ITGBL1: variants seen among roughly 807,000 people sequenced by gnomAD.
ITGBL1 encodes the protein integrin beta-like protein 1.
In ITGBL1, 51 loss-of-function variants were observed where a neutral mutation model predicts 68.5. The observed-to-expected ratio is 0.74, with a 90% CI of 0.59 to 0.94. ITGBL1 has a LOEUF of 0.94. ITGBL1 is among the 40% of genes least tolerant of loss of function. The pLI, the probability that ITGBL1 is intolerant of heterozygous loss-of-function variation, is 0.00. For missense variants in ITGBL1, 649 were observed against 647.4 expected, an observed-to-expected ratio of 1.00 and a Z score of -0.03; for synonymous variants, 209 against 227.3, an observed-to-expected ratio of 0.92 and a Z score of 0.72.
At chr13:101,653,624 A>G (rs1449717431) in intron 7 of ITGBL1, among the ~76,000 whole-genome samples, 1 of 152,180 alleles carries the variant, frequency 6.6e-6, no homozygotes, top group Non-Finnish European at 1.5e-5. Flanking sequence ...GCAAGACAAT[A>G]CATGCTTTTG....
At chr13:101,597,195 T>A (rs1340331551) in intron 6 of ITGBL1, among the ~76,000 whole-genome samples, 2 of 152,130 alleles carry the variant, frequency 1.3e-5, no homozygotes, top group Non-Finnish European at 2.9e-5. Flanking sequence ...TATCTCCGCA[T>A]CTCTCTCAGT....
intron 2 of ITGBL1, among the ~76,000 whole-genome samples, chr13:101,494,738 G>A (rs1029675057): frequency 1.3e-4 from 20 of 152,162 alleles, no homozygotes; most frequent in African/African-American, 4.3e-4. Context: ...ATGGAAATAT[G>A]ATGAACAATC....
intron 2 of ITGBL1, among the ~76,000 whole-genome samples, chr13:101,563,770 T>C (rs960814265): frequency 2.0e-5 from 3 of 151,836 alleles, no homozygotes; most frequent in Non-Finnish European, 4.4e-5. Context: ...ACTAGGAGAT[T>C]AGAGAATACA....
intron 2 of ITGBL1, among the ~76,000 whole-genome samples, chr13:101,486,961 TA>T (rs35761872): frequency 0.24 from 36,571 of 151,950 alleles, 4,903 homozygotes; most frequent in East Asian, 0.48. Flanking sequence ...GGAAGAATTA[TA>T]AAAAAAATGT....
At chr13:101,581,678 C>T (rs1308467371) in intron 5 of ITGBL1, among the ~76,000 whole-genome samples, 2 of 152,138 alleles carry the variant, frequency 1.3e-5, no homozygotes, top group South Asian at 2.1e-4. Context: ...GCTAATTCCC[C>T]ATTGAACAAT....
chr13:101,641,773 T>C (rs9518469), intron 7 of ITGBL1, among the ~76,000 whole-genome samples: 6,942 of 145,132 alleles, frequency 0.048, 192 homozygotes, highest in East Asian at 0.18. Flanking sequence ...CCATGTGTTC[T>C]CATTGTTCAA....
downstream of ITGBL1, chr13:101,717,127 A>G (rs1221675464): frequency 6.6e-6 from 1 of 152,122 alleles, no homozygotes; most frequent in Admixed American, 6.6e-5. Context: ...TTTTATTTTA[A>G]TGATGTAAAT....
intron 8 of ITGBL1, among the ~76,000 whole-genome samples, chr13:101,695,835 CATA>C (rs778910219): frequency 6.6e-6 from 1 of 152,136 alleles, no homozygotes; most frequent in Non-Finnish European, 1.5e-5. Context: ...TGCTCATGGT[CATA>C]ATGATTTATG....
intron 7 of ITGBL1, among the ~76,000 whole-genome samples, chr13:101,610,096 G>GCAGGAAATTTTTGC (rs2031051941): frequency 1.3e-5 from 2 of 152,070 alleles, no homozygotes; most frequent in Non-Finnish European, 2.9e-5. Context: ...AAATAAATGT[G>GCAGGAAATTTTTGC]ACAGTTATGA....
intron 7 of ITGBL1, among the ~76,000 whole-genome samples, chr13:101,687,201 T>C (rs1239659853): frequency 6.6e-6 from 1 of 152,036 alleles, no homozygotes; most frequent in Non-Finnish European, 1.5e-5. Flanking sequence ...ATATCTTTTA[T>C]TTAACAGTGT....
chr13:101,638,281 A>G (rs575950721), intron 7 of ITGBL1, among the ~76,000 whole-genome samples: 2 of 152,230 alleles, frequency 1.3e-5, no homozygotes, highest in African/African-American at 2.4e-5. Context: ...TAGCATGTGC[A>G]TGACAAGTTG....
At chr13:101,679,719 G>A (rs1348085261) in intron 7 of ITGBL1, among the ~76,000 whole-genome samples, 1 of 152,124 alleles carries the variant, frequency 6.6e-6, no homozygotes, top group African/African-American at 2.4e-5. Context: ...TGGTGTTGTT[G>A]TAGAAGCCAT....
chr13:101,572,174 C>T (rs1225686326), intron 3 of ITGBL1, among the ~76,000 whole-genome samples: 5 of 152,102 alleles, frequency 3.3e-5, no homozygotes, highest in African/African-American at 1.2e-4. Context: ...TTCCACCCTC[C>T]GAGTTCAGGA....
intron 2 of ITGBL1, among the ~76,000 whole-genome samples, chr13:101,497,256 A>C (rs993599769): frequency 2.0e-5 from 3 of 152,236 alleles, no homozygotes; most frequent in Admixed American, 6.5e-5. Context: ...TGTGATAAGT[A>C]CTGTAAAAGA....
At chr13:101,676,168 A>G (rs1271200562) in intron 7 of ITGBL1, among the ~76,000 whole-genome samples, 2 of 151,872 alleles carry the variant, frequency 1.3e-5, no homozygotes, top group East Asian at 3.9e-4. Context: ...TTTTTAGTGA[A>G]TCTGTCCTGT....
chr13:101,631,902 C>G (rs147472589), intron 7 of ITGBL1, among the ~76,000 whole-genome samples: 151 of 152,206 alleles, frequency 9.9e-4, no homozygotes, highest in Non-Finnish European at 1.9e-3. Context: ...GAATGGACCT[C>G]TTCCACACAG....
intron 7 of ITGBL1, among the ~76,000 whole-genome samples, chr13:101,638,986 TAACA>T (rs1005159298): frequency 1.3e-5 from 2 of 152,146 alleles, no homozygotes; most frequent in Non-Finnish European, 2.9e-5. Flanking sequence ...AAGTAACAAC[TAACA>T]AACTAAGAAA....
At chr13:101,635,321 C>T (rs529425659) in intron 7 of ITGBL1, among the ~76,000 whole-genome samples, 1 of 152,078 alleles carries the variant, frequency 6.6e-6, no homozygotes, top group East Asian at 1.9e-4. Flanking sequence ...GGAAATAAAA[C>T]ACATGTTAAA....
At chr13:101,625,228 A>G (rs903301386) in intron 7 of ITGBL1, among the ~76,000 whole-genome samples, 1 of 152,212 alleles carries the variant, frequency 6.6e-6, no homozygotes, top group Non-Finnish European at 1.5e-5. Flanking sequence ...CCTGCTGTGT[A>G]CAGATTGACT....
Sources: gnomAD v4.1 joint callset for allele counts (sites outside exome capture counted in the v4.1 genomes callset) on GRCh38, gnomAD v4.1.1 for gene constraint, MANE v1.5 for transcripts, NCBI Gene and HGNC (gene_info 2026-07-23, HGNC 2026-07-21) for gene names.